Variants in WDR70 observed in about 807,000 individuals in gnomAD.
WDR70 encodes the protein WD repeat-containing protein 70.
In WDR70, 53 loss-of-function variants were observed where a neutral mutation model predicts 88.6. That is an observed-to-expected ratio of 0.60 (90% CI 0.48 to 0.75). WDR70 has a LOEUF of 0.75. WDR70 is among the 30% of genes least tolerant of loss of function. The probability of loss-of-function intolerance (pLI) is 0.00; values close to 1 mark genes in which losing one functional copy is unlikely to be tolerated. For synonymous variants in WDR70, 280 were observed against 270.0 expected (o/e 1.04, Z -0.36); for missense variants, 610 against 823.2 (o/e 0.74, Z 3.17).
In WDR70 at chr5:37,500,656, T is replaced by C. The variant is rs550916585; in HGVS notation, c.841-15858T>C. On this transcript the variant is annotated intron_variant, in intron 8 of 17. Coordinates refer to ENST00000265107, the MANE Select transcript of WDR70 (RefSeq NM_018034.4). ...GGACTAAGGTGGCATCTCATTTTGG[T>C]TTTAATGTGCATTCCCCCAGTGATT... 2.6e-5 allele frequency among the ~76,000 whole-genome samples: 4 copies of C among 151,460 alleles called. No homozygotes were observed. In the South Asian group the frequency reaches 8.3e-4, roughly 32 times the overall value.
intron 17 of WDR70, among the ~76,000 whole-genome samples, chr5:37,751,367 A>G (rs1748802977): frequency 6.6e-6 from 1 of 152,216 alleles, no homozygotes; most frequent in Non-Finnish European, 1.5e-5. Flanking sequence ...TGGGTTGTGT[A>G]TGGGGACAGC....
At chr5:37,548,468 C>T (rs897301440) in intron 9 of WDR70, among the ~76,000 whole-genome samples, 3 of 152,014 alleles carry the variant, frequency 2.0e-5, no homozygotes. Flanking sequence ...GATCTTTTGC[C>T]CATTTTTAAA....
rs563340699 is a variant in WDR70, at chr5:37,707,853, G to A, written c.1416+4766G>A. ...AGCTTGAACCTGGGAGGCAGAGGTT[G>A]CGGTGAGCTGAGATGGCGCCACTGC... On this transcript the variant is annotated intron_variant, in intron 13 of 17. Coordinates refer to ENST00000265107, the MANE Select transcript of WDR70 (RefSeq NM_018034.4). 4.5e-3 allele frequency among the ~76,000 whole-genome samples: 659 copies of A among 147,090 alleles called. 6 individuals are homozygous for A. The highest frequency in any genetic ancestry group is 7.6e-3 in the Non-Finnish European group (510 of 66,942).
chr5:37,520,153 T>C (rs1248330832), intron 9 of WDR70, among the ~76,000 whole-genome samples: 1 of 152,206 alleles, frequency 6.6e-6, no homozygotes, highest in East Asian at 1.9e-4. Context: ...GGTGAATCAT[T>C]AGTTAAATAA....
intron 9 of WDR70, among the ~76,000 whole-genome samples, chr5:37,568,112 T>C (rs1384421128): frequency 6.6e-6 from 1 of 152,218 alleles, no homozygotes; most frequent in Non-Finnish European, 1.5e-5. Context: ...CAGGTTTATG[T>C]GTATTTGCCA....
At chr5:37,422,882 C>T (rs937129380) in intron 5 of WDR70, among the ~76,000 whole-genome samples, 5 of 152,158 alleles carry the variant, frequency 3.3e-5, no homozygotes, top group Admixed American at 2.6e-4. Context: ...CCCGCCTCAG[C>T]CTCCCAAACT....
intron 5 of WDR70, among the ~76,000 whole-genome samples, chr5:37,426,093 G>A (rs1750114264): frequency 6.6e-6 from 1 of 152,162 alleles, no homozygotes; most frequent in Admixed American, 6.5e-5. Context: ...TGAGCAGAAA[G>A]CCTAGGACAG....
At chr5:37,596,945 A>G (rs1743719049) in intron 9 of WDR70, among the ~76,000 whole-genome samples, 1 of 152,152 alleles carries the variant, frequency 6.6e-6, no homozygotes, top group East Asian at 1.9e-4. Context: ...GAATGTTAAT[A>G]TAACTGGAAT....
At chr5:37,441,278 G>T (rs1750645336) in intron 6 of WDR70, among the ~76,000 whole-genome samples, 1 of 152,062 alleles carries the variant, frequency 6.6e-6, no homozygotes, top group Non-Finnish European at 1.5e-5. Flanking sequence ...AGACATTATT[G>T]TTCGGGCATA....
chr5:37,593,817 T>C (rs997400106), intron 9 of WDR70, among the ~76,000 whole-genome samples: 1 of 152,192 alleles, frequency 6.6e-6, no homozygotes, highest in Admixed American at 6.5e-5. Context: ...ATCTGTTGTT[T>C]CCTGACTTTT....
intron 9 of WDR70, among the ~76,000 whole-genome samples, chr5:37,548,456 C>T (rs1238974539): frequency 6.6e-6 from 1 of 152,130 alleles, no homozygotes; most frequent in Non-Finnish European, 1.5e-5. Context: ...AATGTCTACT[C>T]AGATCTTTTG....
rs375789644 is a variant in WDR70, at chr5:37,742,153, G to GGAAC, written c.1878-10332_1878-10329dup. Among the ~76,000 whole-genome samples the GGAAC allele has an allele frequency of 4.2e-3, 644 of 152,098 alleles. 8 individuals carry two copies. The highest frequency in any genetic ancestry group is 0.015 in the African/African-American group (623 of 41,518). ...GGCAGTTCTATTTTTAATTTTTTGAGGAACCACTACACTGTTTTCCATAGT... is the reference window on the plus strand; with the variant it reads ...GGCAGTTCTATTTTTAATTTTTTGAGGAACGAACCACTACACTGTTTTCCATAGT... On this transcript the variant is annotated intron_variant, in intron 17 of 17. Coordinates refer to ENST00000265107, the MANE Select transcript of WDR70 (RefSeq NM_018034.4).
chr5:37,450,989 C>G (rs1738661630), intron 7 of WDR70, among the ~76,000 whole-genome samples: 1 of 152,086 alleles, frequency 6.6e-6, no homozygotes, highest in Non-Finnish European at 1.5e-5. Context: ...ACCTCCACCT[C>G]CTGGGTTTAA....
At chr5:37,549,287 T>A (rs1742077986) in intron 9 of WDR70, among the ~76,000 whole-genome samples, 2 of 152,196 alleles carry the variant, frequency 1.3e-5, no homozygotes, top group Admixed American at 1.3e-4. Context: ...ATTTTTCCAT[T>A]TTTTGGTGTC....
chr5:37,382,832 G>C (rs534348499), intron 3 of WDR70, among the ~76,000 whole-genome samples: 1 of 151,992 alleles, frequency 6.6e-6, no homozygotes, highest in African/African-American at 2.4e-5. Context: ...GGCCAACATG[G>C]TGAAACCCCG....
chr5:37,693,870 A>C (rs1204273891), intron 10 of WDR70, among the ~76,000 whole-genome samples: 1 of 152,244 alleles, frequency 6.6e-6, no homozygotes, highest in Non-Finnish European at 1.5e-5. Flanking sequence ...TAATTAAACT[A>C]AAGAGCTTCT....
At chr5:37,620,370 G>T (rs958835248) in intron 10 of WDR70, among the ~76,000 whole-genome samples, 2 of 152,144 alleles carry the variant, frequency 1.3e-5, no homozygotes, top group African/African-American at 4.8e-5. Flanking sequence ...GCGCTAAAGA[G>T]CAAATCACTC....
intron 8 of WDR70, among the ~76,000 whole-genome samples, chr5:37,515,918 C>T (rs1740873674): frequency 6.6e-6 from 1 of 152,194 alleles, no homozygotes; most frequent in African/African-American, 2.4e-5. Flanking sequence ...CGTATATCAG[C>T]ATCACATTGT....
chr5:37,468,697 T>G (rs1452437039), intron 7 of WDR70, among the ~76,000 whole-genome samples: 1 of 152,214 alleles, frequency 6.6e-6, no homozygotes, highest in Non-Finnish European at 1.5e-5. Context: ...AACTTATTCC[T>G]GGGTTCTACA....
Sources: allele counts gnomAD v4.1 joint callset (sites outside exome capture counted in the v4.1 genomes callset), GRCh38; gene constraint gnomAD v4.1.1; transcripts MANE v1.5; gene names NCBI Gene and HGNC (gene_info 2026-07-23, HGNC 2026-07-21).